The following NLGN4X variants were observed in gnomAD, a reference collection of about 807,000 sequenced individuals.
The protein encoded by NLGN4X is neuroligin 4 X-linked.
NLGN4X carries 3 observed loss-of-function variants against 40.3 expected under a neutral mutation model. The observed-to-expected ratio is 0.07, with a 90% CI of 0.03 to 0.19. The LOEUF is 0.19. Ranked by LOEUF, NLGN4X falls within the 10% of genes least tolerant of loss-of-function variation. The pLI is 1.00. For synonymous variants in NLGN4X, 270 were observed against 306.8 expected, an observed-to-expected ratio of 0.88 and a Z score of 1.25; for missense variants, 382 against 708.3, an observed-to-expected ratio of 0.54 and a Z score of 5.23.
chrX:6,017,996 A>G (rs919167769), intron 3 of NLGN4X, among the ~76,000 whole-genome samples: 15 of 111,933 alleles, frequency 1.3e-4, no homozygotes, highest in African/African-American at 4.9e-4. Flanking sequence ...TTATTGGGAT[A>G]TAATCCCACT....
At chrX:5,988,305 T>C (rs2035585160) in intron 3 of NLGN4X, among the ~76,000 whole-genome samples, 1 of 112,169 alleles carries the variant, frequency 8.9e-6, no homozygotes, top group Non-Finnish European at 1.9e-5. Context: ...TTATTCTTTC[T>C]GATTGCACAT....
At chrX:6,041,410 C>T (rs1179118794) in intron 2 of NLGN4X, among the ~76,000 whole-genome samples, 1 of 112,376 alleles carries the variant, frequency 8.9e-6, no homozygotes, top group Non-Finnish European at 1.9e-5. Flanking sequence ...CATGGCTTAA[C>T]TCATTTCATC....
intron 3 of NLGN4X, among the ~76,000 whole-genome samples, chrX:5,941,872 C>G: frequency 8.9e-6 from 1 of 111,910 alleles, no homozygotes; most frequent in Non-Finnish European, 1.9e-5. Flanking sequence ...GGGTTGATTT[C>G]AAGGAGCAGG....
intron 2 of NLGN4X, among the ~76,000 whole-genome samples, chrX:6,057,481 C>T (rs759079022): frequency 9.0e-6 from 1 of 111,708 alleles, no homozygotes; most frequent in South Asian, 3.7e-4. Flanking sequence ...ATTTAGATTA[C>T]TAAGAATTAG....
intron 3 of NLGN4X, among the ~76,000 whole-genome samples, chrX:5,919,487 G>GCC (rs1189977207): frequency 1.8e-5 from 2 of 111,647 alleles, no homozygotes; most frequent in African/African-American, 6.5e-5. Context: ...GGGTCCCCAA[G>GCC]CCCCAGGCCA....
chrX:6,014,099 T>C (rs1204273870), intron 3 of NLGN4X, among the ~76,000 whole-genome samples: 1 of 108,716 alleles, frequency 9.2e-6, no homozygotes, highest in Non-Finnish European at 1.9e-5. Flanking sequence ...AGGGAATCAC[T>C]TGAACCCGGG....
chrX:5,926,904 A>G (rs2146846748), intron 3 of NLGN4X, among the ~76,000 whole-genome samples: 1 of 106,650 alleles, frequency 9.4e-6, no homozygotes, highest in Non-Finnish European at 1.9e-5. Flanking sequence ...TAGAGACTAT[A>G]TCTCTATAGC....
At chrX:5,933,406 T>G (rs1240854237) in intron 3 of NLGN4X, among the ~76,000 whole-genome samples, 1 of 111,820 alleles carries the variant, frequency 8.9e-6, no homozygotes, top group Non-Finnish European at 1.9e-5. Flanking sequence ...AGATGCATGT[T>G]TGAAAAAAGT....
intron 4 of NLGN4X, among the ~76,000 whole-genome samples, chrX:5,908,833 A>G (rs1357045917): frequency 8.9e-6 from 1 of 112,074 alleles, no homozygotes; most frequent in Non-Finnish European, 1.9e-5. Flanking sequence ...GGAAGCTACA[A>G]TGAGCTATGA....
intron 1 of NLGN4X, among the ~76,000 whole-genome samples, chrX:6,208,164 A>G (rs1449782004): frequency 1.8e-5 from 2 of 112,171 alleles, no homozygotes; most frequent in Admixed American, 1.9e-4. Context: ...CAATGTGTTC[A>G]TATCTGTGGA....
chrX:6,145,891 G>C (rs969951928), intron 2 of NLGN4X, among the ~76,000 whole-genome samples: 1 of 110,230 alleles, frequency 9.1e-6, no homozygotes, highest in Non-Finnish European at 1.9e-5. Flanking sequence ...GGGAGGCCGA[G>C]GTGGGAGGAT....
intron 2 of NLGN4X, among the ~76,000 whole-genome samples, chrX:6,127,207 C>CA (rs2039573552): frequency 8.9e-6 from 1 of 111,747 alleles, no homozygotes; most frequent in Non-Finnish European, 1.9e-5. Flanking sequence ...CAGCGGGCAT[C>CA]AGCAACTTCA....
chrX:6,180,136 T>C (rs1921265434), intron 1 of NLGN4X, among the ~76,000 whole-genome samples: 1 of 111,947 alleles, frequency 8.9e-6, no homozygotes, highest in South Asian at 3.7e-4. Context: ...AAGTAAAAGC[T>C]CTAAGTGAAT....
At chrX:6,222,300 C>G (rs1925785228) in intron 1 of NLGN4X, among the ~76,000 whole-genome samples, 1 of 111,240 alleles carries the variant, frequency 9.0e-6, no homozygotes, top group Admixed American at 9.6e-5. Context: ...CTTTGAGATC[C>G]AAGTTTTCAT....
At chrX:6,044,613 C>G (rs886268287) in intron 2 of NLGN4X, among the ~76,000 whole-genome samples, 1 of 110,893 alleles carries the variant, frequency 9.0e-6, no homozygotes, top group Non-Finnish European at 1.9e-5. Context: ...TCTGAACCCA[C>G]AGAATGTACA....
intron 3 of NLGN4X, among the ~76,000 whole-genome samples, chrX:5,924,729 T>C (rs1431728071): frequency 9.0e-6 from 1 of 111,691 alleles, no homozygotes; most frequent in Non-Finnish European, 1.9e-5. Context: ...CTGGAGACTA[T>C]TATTGGAAGT....
chrX:5,953,079 A>C (rs758055973), intron 3 of NLGN4X, among the ~76,000 whole-genome samples: 1 of 111,134 alleles, frequency 9.0e-6, no homozygotes, highest in Admixed American at 9.6e-5. Context: ...AACTCCATCA[A>C]AAATTCCTAT....
chrX:6,039,597 C>T (rs1012388235), intron 2 of NLGN4X, among the ~76,000 whole-genome samples: 4 of 112,419 alleles, frequency 3.6e-5, no homozygotes, highest in African/African-American at 9.7e-5. Context: ...TATACACCCA[C>T]TAGCAGGTAA....
intron 3 of NLGN4X, among the ~76,000 whole-genome samples, chrX:5,925,877 C>T (rs867423792): frequency 5.1e-3 from 57 of 11,077 alleles, no homozygotes; most frequent in Non-Finnish European, 5.9e-3. Flanking sequence ...TATATACATA[C>T]ACACATATAT....
Sources: allele counts gnomAD v4.1 joint callset (sites outside exome capture counted in the v4.1 genomes callset), GRCh38; gene constraint gnomAD v4.1.1; transcripts MANE v1.5; gene names NCBI Gene and HGNC (gene_info 2026-07-23, HGNC 2026-07-21).